The following CSMD1 variants were observed in gnomAD, a reference collection of about 807,000 sequenced individuals.
CSMD1 encodes CUB and sushi domain-containing protein 1.
In CSMD1, 213 loss-of-function variants were observed where a neutral mutation model predicts 417.5. The observed-to-expected ratio is 0.51, with a 90% CI of 0.46 to 0.57. CSMD1 has a LOEUF of 0.57. Among genes scored for constraint, CSMD1 ranks in the 20% least tolerant of loss-of-function variants. The pLI, the probability that CSMD1 is intolerant of heterozygous loss-of-function variation, is 0.00. For missense variants in CSMD1, 6,923 were observed against 4,529.7 expected (o/e 1.53, Z -15.17); for synonymous variants, 2,862 against 1,736.8 (o/e 1.65, Z -16.11).
At chr8:3,530,466 G>A (rs1193647530) in intron 10 of CSMD1, among the ~76,000 whole-genome samples, 1 of 152,096 alleles carries the variant, frequency 6.6e-6, no homozygotes, top group Non-Finnish European at 1.5e-5. Context: ...AAATTTCCTA[G>A]CTTTCCTTCT....
intron 25 of CSMD1, among the ~76,000 whole-genome samples, chr8:3,294,600 G>T (rs1389679663): frequency 6.6e-6 from 1 of 152,154 alleles, no homozygotes; most frequent in Non-Finnish European, 1.5e-5. Context: ...AGGCTCCGTG[G>T]GGGTAGGACC....
At chr8:3,149,684 G>T (rs900860839) in intron 40 of CSMD1, among the ~76,000 whole-genome samples, 5 of 152,070 alleles carry the variant, frequency 3.3e-5, no homozygotes, top group Non-Finnish European at 1.5e-5. Flanking sequence ...CATCATGTTG[G>T]CCAGGATGAT....
chr8:3,708,483 C>G lies in CSMD1; in HGVS notation c.940G>C (p.Ala314Pro). ...ACTCCTCTTGACTTCAACTCAATCG[C>G]CTTTTTCACTGGAAGAAACAAAACC... ...GFNAQFQVKK[A>P]IELKSRGVKM... The change falls in exon 7 of 70, where the codon GCG (alanine) becomes CCG (proline). Residue 314 changes from alanine to proline, a missense_variant. Physicochemically the swap from Ala to Pro is conservative, Grantham distance 27. Transcript: ENST00000635120. 3.1e-6 allele frequency: 5 copies of G among 1,613,878 alleles called. No homozygotes were observed. The highest frequency in any genetic ancestry group is 4.2e-6 in the Non-Finnish European group (5 of 1,179,856).
chr8:3,616,785 C>A lies in CSMD1; in HGVS notation c.1022G>T (p.Gly341Val), dbSNP rs1048067890. 5 of 1,610,412 alleles carry A rather than the reference C, an allele frequency of 3.1e-6. No homozygotes were observed. In the African/African-American group the frequency reaches 4.0e-5, roughly 13 times the overall value. ...ACACATGTCAGAGACCAATGCAACA[C>A]CTCCTTGGCTCACTGTAATAGACAG... is the stretch of plus-strand genomic sequence containing the variant. ...SHKNSVLSQG[G>V]VALVSDMCPD... The change falls in exon 8 of 70, where the codon GGT (glycine) becomes GTT (valine). Residue 341 changes from glycine to valine, a missense_variant. Coordinates refer to ENST00000635120, the MANE Select transcript of CSMD1 (RefSeq NM_033225.6).
At chr8:4,803,678 AAAGTT>A (rs1436338158) in intron 1 of CSMD1, among the ~76,000 whole-genome samples, 1 of 152,208 alleles carries the variant, frequency 6.6e-6, no homozygotes, top group African/African-American at 2.4e-5. Flanking sequence ...TCAGTAAAAT[AAAGTT>A]AAGCTCATTT....
intron 3 of CSMD1, among the ~76,000 whole-genome samples, chr8:4,149,109 G>T (rs561985152): frequency 6.6e-6 from 1 of 151,838 alleles, no homozygotes; most frequent in Non-Finnish European, 1.5e-5. Flanking sequence ...GATTACAGGC[G>T]TGTACCACCA....
intron 49 of CSMD1, among the ~76,000 whole-genome samples, chr8:3,069,781 G>A (rs1340558882): frequency 6.6e-6 from 1 of 152,194 alleles, no homozygotes; most frequent in Non-Finnish European, 1.5e-5. Flanking sequence ...TGGAGACTCT[G>A]CATGGGGTTT....
At position 4,198,316 on chromosome 8, in the gene CSMD1, C is replaced by T. The variant is rs532195563; in HGVS notation, c.416-166217G>A. Among the ~76,000 whole-genome samples the T allele has an allele frequency of 2.6e-5, 4 of 152,316 alleles. No homozygotes were observed. The South Asian group carries it at 8.3e-4, about 32-fold the overall frequency. On this transcript the variant is annotated intron_variant, in intron 3 of 69. Transcript: ENST00000635120. The stretch of plus-strand genomic sequence containing the variant: ...GAAGTGGCAGCAGGGGCTGGCAAGC[C>T]CGACAAGAGTACGTCATGGTGGACC...
intron 3 of CSMD1, among the ~76,000 whole-genome samples, chr8:4,178,652 C>A (rs1037702804): frequency 1.3e-5 from 2 of 152,092 alleles, no homozygotes; most frequent in African/African-American, 4.8e-5. Context: ...TCCCTTTTTG[C>A]AGATAATATG....
chr8:3,819,739 G>C (rs938219882), intron 5 of CSMD1, among the ~76,000 whole-genome samples: 1 of 152,064 alleles, frequency 6.6e-6, no homozygotes, highest in African/African-American at 2.4e-5. Flanking sequence ...GGCACATGTG[G>C]TACCATGATC....
intron 8 of CSMD1, among the ~76,000 whole-genome samples, chr8:3,611,686 T>C (rs748925270): frequency 2.2e-4 from 34 of 152,250 alleles, no homozygotes; most frequent in Middle Eastern, 6.8e-3. Flanking sequence ...TGCTTTCAGA[T>C]CCTCCTAATG....
chr8:3,722,877 T>C (rs1181686076), intron 6 of CSMD1, among the ~76,000 whole-genome samples: 1 of 150,918 alleles, frequency 6.6e-6, no homozygotes, highest in South Asian at 2.1e-4. Flanking sequence ...TGCTTTTTCA[T>C]GGAACACCAT....
intron 5 of CSMD1, among the ~76,000 whole-genome samples, chr8:3,934,932 A>T (rs1327085115): frequency 6.6e-6 from 1 of 152,186 alleles, no homozygotes; most frequent in East Asian, 1.9e-4. Flanking sequence ...ACGGGAGTAG[A>T]GGGCATATAA....
chr8:3,307,888 T>G, intron 24 of CSMD1, 67 bp from the exon 25 acceptor site: 1 of 1,556,742 alleles, frequency 6.4e-7, no homozygotes, highest in Non-Finnish European at 8.7e-7. Flanking sequence ...TTAGCTACTT[T>G]TCAAAACCAA....
intron 18 of CSMD1, among the ~76,000 whole-genome samples, chr8:3,387,096 C>G (rs1811048951): frequency 6.6e-6 from 1 of 152,154 alleles, no homozygotes; most frequent in Non-Finnish European, 1.5e-5. Flanking sequence ...TCCACGGAAA[C>G]AAAGACACGG....
chr8:3,760,914 G>C (rs573304393), intron 5 of CSMD1, among the ~76,000 whole-genome samples: 5 of 151,778 alleles, frequency 3.3e-5, no homozygotes, highest in African/African-American at 1.2e-4. Context: ...GAGGAGACCA[G>C]TTTTGTGTCA....
At chr8:3,948,676 C>A (rs900309400) in intron 5 of CSMD1, among the ~76,000 whole-genome samples, 3 of 152,056 alleles carry the variant, frequency 2.0e-5, no homozygotes, top group African/African-American at 4.8e-5. Context: ...ATGGAAGGAC[C>A]AATGAGTTCT....
chr8:4,211,145 CTAAA>C (rs1014459626), intron 3 of CSMD1, among the ~76,000 whole-genome samples: 20 of 151,638 alleles, frequency 1.3e-4, no homozygotes, highest in Non-Finnish European at 2.4e-4. Flanking sequence ...GTTCTAATCA[CTAAA>C]TAATTTATCC....
At chr8:3,536,687 G>A (rs187592989) in intron 10 of CSMD1, among the ~76,000 whole-genome samples, 137 of 152,260 alleles carry the variant, frequency 9.0e-4, no homozygotes, top group Non-Finnish European at 1.7e-3. Context: ...AGAGCAATAG[G>A]ATCTGTGCCC....
Sources: gnomAD v4.1 joint callset for allele counts (sites outside exome capture counted in the v4.1 genomes callset) on GRCh38, gnomAD v4.1.1 for gene constraint, MANE v1.5 for transcripts, NCBI Gene and HGNC (gene_info 2026-07-23, HGNC 2026-07-21) for gene names.